The following FMN1 variants were observed in gnomAD, a reference collection of about 807,000 sequenced individuals.
The protein encoded by FMN1 is formin 1.
In FMN1, 110 loss-of-function variants were observed where a neutral mutation model predicts 132.4. That is an observed-to-expected ratio of 0.83 (90% confidence interval 0.71 to 0.97). FMN1 has a LOEUF of 0.97. Ranked by LOEUF, FMN1 falls within the 50% of genes least tolerant of loss-of-function variation. The pLI is 0.00. For synonymous variants in FMN1, 722 were observed against 651.7 expected (o/e 1.11, Z -1.64); for missense variants, 1,792 against 1,705.3 (o/e 1.05, Z -0.90).
intron 8 of FMN1, among the ~76,000 whole-genome samples, chr15:32,966,005 T>C (rs1247678245): frequency 6.6e-6 from 1 of 152,056 alleles, no homozygotes; most frequent in Non-Finnish European, 1.5e-5. Context: ...AGTAGGATCT[T>C]GAAGAAGGAA....
chr15:33,134,536 G>A (rs1188537580), intron 4 of FMN1, among the ~76,000 whole-genome samples: 2 of 152,264 alleles, frequency 1.3e-5, no homozygotes, highest in East Asian at 1.9e-4. Flanking sequence ...TTCTAGATCC[G>A]CTAGACATTA....
intron 19 of FMN1, among the ~76,000 whole-genome samples, chr15:32,794,883 A>T (rs75504755): frequency 6.6e-6 from 1 of 152,188 alleles, no homozygotes; most frequent in Non-Finnish European, 1.5e-5. Context: ...CATGCTCCAT[A>T]AAAAAACGTG....
chr15:32,964,148 G>A lies in FMN1; in HGVS notation c.3097C>T (p.Pro1033Ser). 1 of 1,612,872 alleles carries A rather than the reference G, an allele frequency of 6.2e-7. No individual in the cohort carries two copies. Among genetic ancestry groups the A allele is most frequent in the Non-Finnish European group, 8.5e-7 (1 of 1,179,410 alleles). ...SKDTTQQKKK[P>S]LSETYEKKNK... The stretch of plus-strand genomic sequence containing the variant: ...TTCTTCTCATAAGTCTCTGACAGAG[G>A]TTTTTTCTTCTGTTGAGTTGTGTCT... Residue 1033 changes from proline to serine, a missense_variant, in exon 9 of 21, where the codon CCT becomes TCT. Pro to Ser is a moderately conservative substitution (Grantham distance 74, BLOSUM62 -1). Coordinates refer to ENST00000616417, the MANE Select transcript of FMN1 (RefSeq NM_001277313.2).
At chr15:32,834,484 A>G (rs2058577532) in intron 17 of FMN1, among the ~76,000 whole-genome samples, 1 of 152,192 alleles carries the variant, frequency 6.6e-6, no homozygotes, top group Non-Finnish European at 1.5e-5. Flanking sequence ...TCAGACAGAT[A>G]AAACACAAAC....
intron 4 of FMN1, among the ~76,000 whole-genome samples, chr15:33,123,678 T>C (rs1004411118): frequency 6.6e-6 from 1 of 152,188 alleles, no homozygotes; most frequent in South Asian, 2.1e-4. Flanking sequence ...GATTAAGTTT[T>C]CCAAGACATG....
chr15:33,093,303 G>C (rs1418296886), intron 4 of FMN1, among the ~76,000 whole-genome samples: 1 of 152,184 alleles, frequency 6.6e-6, no homozygotes, highest in Non-Finnish European at 1.5e-5. Context: ...AGTTTTCTCA[G>C]CCGTGAATAT....
At chr15:33,183,627 A>T (rs1250805048) in intron 2 of FMN1, among the ~76,000 whole-genome samples, 1 of 152,196 alleles carries the variant, frequency 6.6e-6, no homozygotes, top group Non-Finnish European at 1.5e-5. Flanking sequence ...GACTGTTTCA[A>T]ATTGGTGGGT....
intron 4 of FMN1, among the ~76,000 whole-genome samples, chr15:33,126,516 G>T (rs1011416410): frequency 6.6e-6 from 1 of 152,112 alleles, no homozygotes; most frequent in Non-Finnish European, 1.5e-5. Context: ...CCTCTTATTC[G>T]CTGAGTACCT....
intron 10 of FMN1, among the ~76,000 whole-genome samples, chr15:32,912,766 A>G (rs1474854443): frequency 6.6e-6 from 1 of 152,130 alleles, no homozygotes; most frequent in Non-Finnish European, 1.5e-5. Flanking sequence ...GGTGACTATC[A>G]TGGACAGAGC....
At chr15:32,954,077 A>T (rs566619372) in intron 9 of FMN1, among the ~76,000 whole-genome samples, 1 of 152,276 alleles carries the variant, frequency 6.6e-6, no homozygotes, top group East Asian at 1.9e-4. Context: ...GACATACAAC[A>T]ACTACAACAA....
At chr15:32,991,442 A>G (rs541322849) in intron 7 of FMN1, among the ~76,000 whole-genome samples, 1 of 152,268 alleles carries the variant, frequency 6.6e-6, no homozygotes, top group South Asian at 2.1e-4. Context: ...CATGATCTAA[A>G]CAACACTGTG....
intron 5 of FMN1, among the ~76,000 whole-genome samples, chr15:33,072,156 A>C (rs2038024245): frequency 6.6e-6 from 1 of 152,202 alleles, no homozygotes; most frequent in South Asian, 2.1e-4. Context: ...AATCTACAAA[A>C]AATAATCTGT....
chr15:33,188,270 G>T (rs568057038), intron 2 of FMN1, among the ~76,000 whole-genome samples: 1 of 152,256 alleles, frequency 6.6e-6, no homozygotes, highest in East Asian at 1.9e-4. Context: ...AACCCAGGAG[G>T]CAGAGGTTGC....
intron 19 of FMN1, 69 bp from the exon 20 acceptor site, chr15:32,776,988 A>G (rs2056441553): frequency 3.1e-6 from 3 of 967,652 alleles, no homozygotes; most frequent in East Asian, 2.6e-5. Flanking sequence ...GGAAAGAAGA[A>G]AAGAGTTAAG....
intron 3 of FMN1, among the ~76,000 whole-genome samples, chr15:33,171,393 G>C (rs1374132922): frequency 6.6e-6 from 1 of 152,150 alleles, no homozygotes; most frequent in African/African-American, 2.4e-5. Context: ...AATGGTAATT[G>C]CTCAAGGAGA....
intron 6 of FMN1, among the ~76,000 whole-genome samples, chr15:33,041,641 G>C (rs1482843646): frequency 6.6e-6 from 1 of 151,928 alleles, no homozygotes; most frequent in Non-Finnish European, 1.5e-5. Context: ...CTAATCATTA[G>C]AGGAATGAAA....
At chr15:32,914,994 C>T (rs1334932143) in intron 10 of FMN1, among the ~76,000 whole-genome samples, 5 of 152,138 alleles carry the variant, frequency 3.3e-5, no homozygotes, top group Non-Finnish European at 5.9e-5. Flanking sequence ...TCCTCTTCCA[C>T]GGAAGGATCT....
chr15:32,829,397 T>C (rs1264709729), intron 17 of FMN1, among the ~76,000 whole-genome samples: 1 of 152,228 alleles, frequency 6.6e-6, no homozygotes, highest in Non-Finnish European at 1.5e-5. Context: ...CTAGTGTTTC[T>C]AGCTGGTGAA....
chr15:33,001,585 A>ATCCTCC, intron 7 of FMN1, among the ~76,000 whole-genome samples: 1 of 10,630 alleles, frequency 9.4e-5, no homozygotes, highest in Middle Eastern at 0.031. Context: ...ACCTCCCCCC[A>ATCCTCC]TCCTCCTCCT....
Sources: gnomAD v4.1 joint callset for allele counts (sites outside exome capture counted in the v4.1 genomes callset) on GRCh38, gnomAD v4.1.1 for gene constraint, MANE v1.5 for transcripts, NCBI Gene and HGNC (gene_info 2026-07-23, HGNC 2026-07-21) for gene names.